The following INPP4B variants were observed in gnomAD, a reference collection of about 807,000 sequenced individuals.
INPP4B encodes the protein inositol polyphosphate 4-phosphatase type II.
INPP4B carries 55 observed loss-of-function variants against 122.5 expected under a neutral mutation model. The ratio of observed to expected loss-of-function variants is 0.45; its 90% CI spans 0.36 to 0.56. INPP4B has a LOEUF of 0.56. Among genes scored for constraint, INPP4B ranks in the 20% least tolerant of loss-of-function variants. The pLI is 0.00. For synonymous variants in INPP4B, 403 were observed against 388.7 expected (o/e 1.04, Z -0.43); for missense variants, 1,000 against 1,097.7 (o/e 0.91, Z 1.26).
rs933703827 is a variant in INPP4B, at chr4:142,299,444, C to T, written c.503+6014G>A. 5.9e-5 allele frequency among the ~76,000 whole-genome samples: 9 copies of T among 151,804 alleles called. No homozygotes were observed. The South Asian group carries it at 1.0e-3, about 18-fold the overall frequency. Reference sequence around the variant, plus strand: ...TGCTGGAGTTACAGGTGTGAGCCATCGCATCCGGCCTTGTTCACTTTCAAA... The same window carrying T: ...TGCTGGAGTTACAGGTGTGAGCCATTGCATCCGGCCTTGTTCACTTTCAAA... On this transcript the variant is annotated intron_variant, in intron 9 of 25. Coordinates refer to ENST00000262992, the MANE Select transcript of INPP4B (RefSeq NM_001101669.3).
intron 7 of INPP4B, among the ~76,000 whole-genome samples, chr4:142,383,594 C>T (rs534070561): frequency 2.0e-5 from 3 of 152,160 alleles, no homozygotes; most frequent in African/African-American, 7.2e-5. Flanking sequence ...TTAACTCAAC[C>T]ACTCCTCTCA....
At chr4:142,175,430 A>T (rs1827691328) in intron 15 of INPP4B, among the ~76,000 whole-genome samples, 1 of 152,142 alleles carries the variant, frequency 6.6e-6, no homozygotes, top group Non-Finnish European at 1.5e-5. Flanking sequence ...GTAAAAGATT[A>T]AAAGAAATGC....
intron 18 of INPP4B, among the ~76,000 whole-genome samples, chr4:142,139,334 A>T (rs1044250756): frequency 6.6e-6 from 1 of 151,998 alleles, no homozygotes; most frequent in Admixed American, 6.6e-5. Flanking sequence ...TTAGAGATAG[A>T]GTCTCACTGT....
chr4:142,762,055 A>G lies in INPP4B; in HGVS notation c.-253-36154T>C, dbSNP rs568276114. Among the ~76,000 whole-genome samples the G allele has an allele frequency of 5.2e-4, 78 of 151,378 alleles. 1 individual carries two copies. The highest frequency in any genetic ancestry group is 2.5e-3 in the South Asian group (12 of 4,802). ...TGAGGCCATGGCTTGGAGTTGACTG[A>G]CCTTAATCTTCTCAGGCAGAGAGTT... On this transcript the variant is annotated intron_variant, in intron 1 of 25. Transcript: ENST00000262992.
chr4:142,760,829 T>C (rs1771227033), intron 1 of INPP4B, among the ~76,000 whole-genome samples: 1 of 152,132 alleles, frequency 6.6e-6, no homozygotes, highest in Non-Finnish European at 1.5e-5. Context: ...TTCTCTCTAC[T>C]CTCAACCCTT....
intron 16 of INPP4B, among the ~76,000 whole-genome samples, chr4:142,165,245 T>TTCAACA (rs111936483): frequency 1.3e-5 from 2 of 151,782 alleles, no homozygotes; most frequent in East Asian, 3.9e-4. Flanking sequence ...GTATCATTAG[T>TTCAACA]ACTCAGAGTC....
At position 142,719,092 on chromosome 4, in the gene INPP4B, C is replaced by G. The variant is rs1764178952; in HGVS notation, c.-191+6747G>C. Reference sequence around the variant, plus strand: ...AATGGATTTAAAGCAGATTTTTTTCCAAGGGAGAGAAATGGGAACAACTCT... The same window carrying G: ...AATGGATTTAAAGCAGATTTTTTTCGAAGGGAGAGAAATGGGAACAACTCT... On this transcript the variant is annotated intron_variant, in intron 2 of 25. Coordinates refer to ENST00000262992, the MANE Select transcript of INPP4B (RefSeq NM_001101669.3). Among the ~76,000 whole-genome samples the G allele has an allele frequency of 4.6e-5, 7 of 151,868 alleles. No homozygotes were observed. In the South Asian group the frequency reaches 1.5e-3, roughly 32 times the overall value.
intron 7 of INPP4B, among the ~76,000 whole-genome samples, chr4:142,388,742 A>G (rs1391097): frequency 0.73 from 111,677 of 152,050 alleles, 41,515 homozygotes; most frequent in East Asian, 0.88. Context: ...ATTAAAAAAT[A>G]GGCTGATTGG....
At chr4:142,664,650 T>G (rs1364764847) in intron 2 of INPP4B, among the ~76,000 whole-genome samples, 1 of 152,136 alleles carries the variant, frequency 6.6e-6, no homozygotes, top group Non-Finnish European at 1.5e-5. Context: ...TTTAAGAATT[T>G]TTTTTAATTG....
intron 12 of INPP4B, among the ~76,000 whole-genome samples, chr4:142,231,676 C>T (rs895306667): frequency 1.3e-5 from 2 of 152,054 alleles, no homozygotes; most frequent in African/African-American, 4.8e-5. Context: ...TCATAGCAGC[C>T]TTTTAAATTC....
chr4:142,636,931 G>T (rs115615095), intron 2 of INPP4B, among the ~76,000 whole-genome samples: 7,298 of 151,946 alleles, frequency 0.048, 250 homozygotes, highest in South Asian at 0.074. Flanking sequence ...TCTTCCTATA[G>T]ATGATATTTT....
At chr4:142,702,730 CAAA>C (rs35472471) in intron 2 of INPP4B, among the ~76,000 whole-genome samples, 8 of 64,340 alleles carry the variant, frequency 1.2e-4, no homozygotes, top group African/African-American at 1.8e-4. Context: ...AACTCCGTCT[CAAA>C]AAAAAAAAAA....
At chr4:142,455,607 T>C (rs923308152) in intron 3 of INPP4B, among the ~76,000 whole-genome samples, 3 of 152,082 alleles carry the variant, frequency 2.0e-5, no homozygotes, top group Non-Finnish European at 2.9e-5. Flanking sequence ...AACAGTGCTA[T>C]AACAAACATG....
intron 7 of INPP4B, among the ~76,000 whole-genome samples, chr4:142,353,302 A>G (rs928792570): frequency 3.3e-5 from 5 of 151,976 alleles, no homozygotes; most frequent in African/African-American, 1.2e-4. Flanking sequence ...AAGCATAAAT[A>G]TTAGCCTCTA....
At chr4:142,481,231 A>G (rs1332193340) in intron 2 of INPP4B, among the ~76,000 whole-genome samples, 2 of 152,062 alleles carry the variant, frequency 1.3e-5, no homozygotes, top group African/African-American at 2.4e-5. Flanking sequence ...TGAACACTAG[A>G]AGCTGATCTT....
intron 3 of INPP4B, among the ~76,000 whole-genome samples, chr4:142,451,961 T>G (rs1281363276): frequency 6.6e-6 from 1 of 152,166 alleles, no homozygotes; most frequent in Non-Finnish European, 1.5e-5. Flanking sequence ...CGTGCAGGTC[T>G]GATACATAGG....
intron 17 of INPP4B, among the ~76,000 whole-genome samples, chr4:142,152,741 T>C (rs1814936840): frequency 6.6e-6 from 1 of 152,112 alleles, no homozygotes; most frequent in African/African-American, 2.4e-5. Context: ...CGACAAGGTG[T>C]CTGCCACCAC....
intron 2 of INPP4B, among the ~76,000 whole-genome samples, chr4:142,667,311 T>G (rs1214801809): frequency 1.3e-5 from 2 of 152,212 alleles, no homozygotes; most frequent in Non-Finnish European, 2.9e-5. Flanking sequence ...TTGACCCAGT[T>G]GGTCATGACC....
chr4:142,052,539 A>G (rs1755230912), intron 25 of INPP4B, among the ~76,000 whole-genome samples: 1 of 152,102 alleles, frequency 6.6e-6, no homozygotes, highest in African/African-American at 2.4e-5. Context: ...CAGACAAGAC[A>G]TGTACAAATA....
Sources: allele counts gnomAD v4.1 joint callset (sites outside exome capture counted in the v4.1 genomes callset), GRCh38; gene constraint gnomAD v4.1.1; transcripts MANE v1.5; gene names NCBI Gene and HGNC (gene_info 2026-07-23, HGNC 2026-07-21).